Variants in CPNE4 observed in about 807,000 individuals in gnomAD.
CPNE4 encodes the protein copine 4.
Under a neutral mutation model 67.9 loss-of-function variants are expected in CPNE4, and 25 were observed. The observed-to-expected ratio is 0.37, with a 90% CI of 0.27 to 0.51. The LOEUF (loss-of-function observed/expected upper bound fraction) is 0.51. CPNE4 is among the 20% of genes least tolerant of loss of function. The pLI, the probability that CPNE4 is intolerant of heterozygous loss-of-function variation, is 0.93. For synonymous variants in CPNE4, 242 were observed against 244.9 expected, an observed-to-expected ratio of 0.99 and a Z score of 0.11; for missense variants, 464 against 690.8, an observed-to-expected ratio of 0.67 and a Z score of 3.68.
intron 2 of CPNE4, among the ~76,000 whole-genome samples, chr3:131,885,321 G>A (rs962062289): frequency 1.4e-5 from 2 of 143,150 alleles, no homozygotes; most frequent in African/African-American, 4.9e-5. Context: ...TAGGGTATCT[G>A]GTGGGAGAAA....
At chr3:131,693,752 A>ACCTCCCCTCTTC in intron 5 of CPNE4, among the ~76,000 whole-genome samples, 2 of 151,392 alleles carry the variant, frequency 1.3e-5, no homozygotes, top group African/African-American at 4.9e-5. Context: ...CTCCCCTCTT[A>ACCTCCCCTCTTC]CCTCCCCTCT....
At chr3:131,684,658 A>G (rs1324613388) in intron 6 of CPNE4, among the ~76,000 whole-genome samples, 1 of 152,160 alleles carries the variant, frequency 6.6e-6, no homozygotes, top group African/African-American at 2.4e-5. Context: ...CCACCACCTT[A>G]TGAAAGTCAT....
At chr3:131,978,147 T>C (rs1322122600) in intron 1 of CPNE4, among the ~76,000 whole-genome samples, 2 of 75,872 alleles carry the variant, frequency 2.6e-5, no homozygotes, top group Admixed American at 4.7e-4. Context: ...TAAATATATA[T>C]AAAATATATA....
intron 2 of CPNE4, among the ~76,000 whole-genome samples, chr3:131,854,653 T>C (rs1432126594): frequency 1.3e-5 from 2 of 151,898 alleles, no homozygotes; most frequent in Admixed American, 6.6e-5. Context: ...ATCTACATTA[T>C]CCATTCTATT....
chr3:131,630,921 G>T (rs567544743), intron 7 of CPNE4, among the ~76,000 whole-genome samples: 1 of 152,252 alleles, frequency 6.6e-6, no homozygotes, highest in Non-Finnish European at 1.5e-5. Context: ...ACAACATCAG[G>T]GTACCCTGAA....
chr3:131,543,901 G>A (rs1158319130), intron 14 of CPNE4, among the ~76,000 whole-genome samples: 4 of 152,160 alleles, frequency 2.6e-5, no homozygotes, highest in Non-Finnish European at 4.4e-5. Flanking sequence ...CTGACTTCTG[G>A]CCTGCAGCCT....
At chr3:131,878,918 T>A (rs2087560017) in intron 2 of CPNE4, among the ~76,000 whole-genome samples, 1 of 152,264 alleles carries the variant, frequency 6.6e-6, no homozygotes, top group Non-Finnish European at 1.5e-5. Context: ...GACAAAGGTC[T>A]CACCCTCATG....
At chr3:131,911,543 T>TTGTGTGTG (rs3041573) in intron 1 of CPNE4, among the ~76,000 whole-genome samples, 1,841 of 146,028 alleles carry the variant, frequency 0.013, 34 homozygotes, top group East Asian at 0.061. Context: ...GCACTCCAAG[T>TTGTGTGTG]TGTGTGTGTG....
chr3:131,938,659 C>T (rs9289409), intron 1 of CPNE4, among the ~76,000 whole-genome samples: 28,132 of 151,994 alleles, frequency 0.19, 3,440 homozygotes, highest in Middle Eastern at 0.27. Flanking sequence ...CTGCCAAACA[C>T]TTTTAAAACC....
chr3:131,914,300 G>C (rs1435668000), intron 1 of CPNE4, among the ~76,000 whole-genome samples: 1 of 152,092 alleles, frequency 6.6e-6, no homozygotes, highest in Non-Finnish European at 1.5e-5. Context: ...TGCTTAACAA[G>C]ACTCTCAAAA....
chr3:131,861,524 G>A (rs993346308), intron 2 of CPNE4, among the ~76,000 whole-genome samples: 1 of 151,750 alleles, frequency 6.6e-6, no homozygotes, highest in African/African-American at 2.4e-5. Context: ...TCCCCCTCCC[G>A]GGTTCAAGCG....
intron 1 of CPNE4, among the ~76,000 whole-genome samples, chr3:131,963,394 G>A (rs982892016): frequency 4.6e-5 from 7 of 151,792 alleles, no homozygotes; most frequent in South Asian, 2.1e-4. Flanking sequence ...AGACAGAACC[G>A]TTCACTCCCT....
chr3:131,753,810 T>G (rs987046871), intron 2 of CPNE4, among the ~76,000 whole-genome samples: 2 of 152,156 alleles, frequency 1.3e-5, no homozygotes, highest in Non-Finnish European at 2.9e-5. Flanking sequence ...AGATTACTCA[T>G]ACATTAATGG....
chr3:131,617,530 T>G lies in CPNE4; in HGVS notation c.682-29948A>C, dbSNP rs1211201267. Among the ~76,000 whole-genome samples the G allele has an allele frequency of 2.6e-5, 4 of 152,244 alleles. No individual in the cohort carries two copies. In the East Asian group the frequency reaches 7.7e-4, roughly 29 times the overall value. On this transcript the variant is annotated intron_variant, in intron 7 of 15. Transcript: ENST00000429747. ...TCTGATTTCTAATACAGACGCCTTT[T>G]CAATAAATAATTTATTTGAAAACAA... is the stretch of plus-strand genomic sequence containing the variant.
chr3:132,013,310 A>ATTTTGT (rs2073816891), intron 1 of CPNE4, among the ~76,000 whole-genome samples: 1 of 151,736 alleles, frequency 6.6e-6, no homozygotes. Flanking sequence ...CGGAAGTTTT[A>ATTTTGT]TTTTGTTTTT....
intron 1 of CPNE4, among the ~76,000 whole-genome samples, chr3:131,968,143 C>T (rs186879156): frequency 4.2e-4 from 64 of 152,266 alleles, no homozygotes; most frequent in African/African-American, 1.5e-3. Context: ...ATTGGGAAAA[C>T]TGGCTAGTGA....
At chr3:131,906,186 CTTTAT>C (rs879476986) in intron 1 of CPNE4, among the ~76,000 whole-genome samples, 118 of 102,852 alleles carry the variant, frequency 1.1e-3, no homozygotes, top group African/African-American at 4.2e-3. Context: ...ATGTGATATC[CTTTAT>C]TTTATTTTTT....
intron 2 of CPNE4, among the ~76,000 whole-genome samples, chr3:131,763,932 T>C (rs1311159333): frequency 6.6e-6 from 1 of 152,128 alleles, no homozygotes; most frequent in African/African-American, 2.4e-5. Context: ...TAGCAAACAC[T>C]TACAGGGTGC....
chr3:131,801,078 AC>A (rs955904339), intron 2 of CPNE4, among the ~76,000 whole-genome samples: 1 of 152,004 alleles, frequency 6.6e-6, no homozygotes, highest in Non-Finnish European at 1.5e-5. Context: ...AGTATCCAGA[AC>A]CCTGGATTGT....
Sources: allele counts gnomAD v4.1 joint callset (sites outside exome capture counted in the v4.1 genomes callset), GRCh38; gene constraint gnomAD v4.1.1; transcripts MANE v1.5; gene names NCBI Gene and HGNC (gene_info 2026-07-23, HGNC 2026-07-21).